The following TBC1D15 variants were observed in gnomAD, a reference collection of about 807,000 sequenced individuals.
The protein encoded by TBC1D15 is GAP for RAB7.
In TBC1D15, 39 loss-of-function variants were observed where a neutral mutation model predicts 95.4. That is an observed-to-expected ratio of 0.41 (90% CI 0.32 to 0.53). The LOEUF is 0.53. Among genes scored for constraint, TBC1D15 ranks in the 20% least tolerant of loss-of-function variants. The probability of loss-of-function intolerance (pLI) is 0.29; values close to 1 mark genes in which losing one functional copy is unlikely to be tolerated. For synonymous variants in TBC1D15, 258 were observed against 261.3 expected (o/e 0.99, Z 0.12); for missense variants, 733 against 794.3 (o/e 0.92, Z 0.93).
intron 1 of TBC1D15, among the ~76,000 whole-genome samples, chr12:71,866,652 T>C (rs1891566356): frequency 6.6e-6 from 1 of 152,232 alleles, no homozygotes. Flanking sequence ...GTCTTGCTTA[T>C]GTTGCCCAGG....
At position 71,868,240 on chromosome 12, in the gene TBC1D15, C is replaced by CT. The variant is rs771782876; in HGVS notation, c.31-3810dup. On this transcript the variant is annotated intron_variant, in intron 1 of 16. Coordinates refer to ENST00000485960, the MANE Select transcript of TBC1D15 (RefSeq NM_001146213.3). ...GAATACAGAATGAGTGCAGCTTTGACTTTTTTTTTTTTTTTTTTTTCTCGA... is the reference window on the plus strand; with the variant it reads ...GAATACAGAATGAGTGCAGCTTTGACTTTTTTTTTTTTTTTTTTTTTCTCGA... Among the ~76,000 whole-genome samples, 1,316 of 132,344 alleles carry CT rather than the reference C, an allele frequency of 9.9e-3. 27 individuals are homozygous for CT. Among genetic ancestry groups the CT allele is most frequent in the African/African-American group, 0.032 (1,134 of 35,320 alleles). The allele number at this position is 132,344 out of a possible 152,430, so 86.8% of individuals were successfully genotyped here.
intron 11 of TBC1D15, among the ~76,000 whole-genome samples, chr12:71,912,451 G>T (rs1198415479): frequency 1.3e-5 from 2 of 152,096 alleles, no homozygotes; most frequent in African/African-American, 4.8e-5. Flanking sequence ...GTGGTGGTAA[G>T]ATGATTGGAC....
chr12:71,878,411 C>CAGAGAG (rs148681015), intron 3 of TBC1D15, among the ~76,000 whole-genome samples: 1 of 148,744 alleles, frequency 6.7e-6, no homozygotes. Context: ...AAGTAGAAGT[C>CAGAGAG]AGAGAGAGAG....
At chr12:71,900,205 T>G (rs1363766466) in intron 10 of TBC1D15, among the ~76,000 whole-genome samples, 3 of 152,080 alleles carry the variant, frequency 2.0e-5, no homozygotes, top group Non-Finnish European at 4.4e-5. Context: ...AAATGGAATG[T>G]CAAGTAGGTA....
chr12:71,841,507 G>T, intron 1 of TBC1D15, among the ~76,000 whole-genome samples: 1 of 152,118 alleles, frequency 6.6e-6, no homozygotes, highest in Non-Finnish European at 1.5e-5. Context: ...TCTTCTCTCA[G>T]TAAGTTCAGA....
intron 5 of TBC1D15, among the ~76,000 whole-genome samples, chr12:71,887,732 C>G (rs905261755): frequency 4.6e-5 from 7 of 152,148 alleles, no homozygotes; most frequent in Admixed American, 2.0e-4. Context: ...TTGTTTGCTT[C>G]CTTCATGGCA....
intron 4 of TBC1D15, among the ~76,000 whole-genome samples, chr12:71,882,561 C>T (rs991141232): frequency 6.6e-6 from 1 of 152,094 alleles, no homozygotes; most frequent in African/African-American, 2.4e-5. Flanking sequence ...ATTTTCTTTA[C>T]CTTTGCTTTG....
chr12:71,885,013 A>G lies in TBC1D15; in HGVS notation c.546A>G (p.Val182=), dbSNP rs1012069698. 6.2e-6 allele frequency: 10 copies of G among 1,613,088 alleles called. No individual in the cohort carries two copies. In the African/African-American group the frequency reaches 1.1e-4, roughly 17 times the overall value. Residue 182 remains valine (V), a synonymous_variant, in exon 5 of 17, where the codon GTA becomes GTG. Transcript: ENST00000485960. Reference sequence around the variant, plus strand: ...TTGAATCTCTTGAAAAATATGTGGTATTGTGTGAGTAAGTATCATATTATT... The same window carrying G: ...TTGAATCTCTTGAAAAATATGTGGTGTTGTGTGAGTAAGTATCATATTATT... ...LLIESLEKYV[V]LCESPQDKRT...
chr12:71,903,332 A>G (rs759145719), intron 10 of TBC1D15, among the ~76,000 whole-genome samples: 9 of 152,204 alleles, frequency 5.9e-5, no homozygotes, highest in Non-Finnish European at 1.0e-4. Flanking sequence ...ATCTCCTACT[A>G]GTCATGATGG....
chr12:71,894,235 A>T, intron 6 of TBC1D15: 1 of 1,032,412 alleles, frequency 9.7e-7, no homozygotes, highest in Non-Finnish European at 1.5e-6. Context: ...ACTAATATTT[A>T]AATATGAGTT....
intron 3 of TBC1D15, among the ~76,000 whole-genome samples, chr12:71,878,779 A>T (rs1156870657): frequency 1.3e-5 from 2 of 151,456 alleles, no homozygotes; most frequent in Non-Finnish European, 2.9e-5. Context: ...GGCCTCCCAA[A>T]GTGCTGGGAT....
intron 6 of TBC1D15, 25 bp downstream of exon 6, chr12:71,893,349 A>G (rs1342318991): frequency 1.3e-6 from 2 of 1,543,248 alleles, no homozygotes; most frequent in Non-Finnish European, 8.9e-7. Flanking sequence ...TCTATCCTGT[A>G]TTATTCTGAC....
chr12:71,850,815 C>T (rs989385088), intron 1 of TBC1D15, among the ~76,000 whole-genome samples: 2 of 151,606 alleles, frequency 1.3e-5, no homozygotes, highest in African/African-American at 2.4e-5. Context: ...GGTGAAACCC[C>T]GTCTCTACTA....
rs760401496 is a variant in TBC1D15 at position 71,894,297 on chromosome 12, C to T, written c.658-389C>T. On this transcript the variant is annotated intron_variant, in intron 6 of 16. Transcript: ENST00000485960. The stretch of plus-strand genomic sequence containing the variant: ...TGTCAGAATAGCATGGTGGTACACA[C>T]TTCAAGAAATATTTTTTTTGTATGA... The T allele has an allele frequency of 1.3e-5, 21 of 1,609,262 alleles. No homozygotes were observed. The African/African-American group carries it at 1.5e-4, about 11-fold the overall frequency.
chr12:71,894,940 A>G, intron 7 of TBC1D15, 57 bp downstream of exon 7: 3 of 1,490,282 alleles, frequency 2.0e-6, no homozygotes, highest in Non-Finnish European at 2.7e-6. Context: ...AACATGTACT[A>G]TAGAAATAGA....
chr12:71,861,447 G>C, intron 1 of TBC1D15: 2 of 1,529,056 alleles, frequency 1.3e-6, no homozygotes, highest in Non-Finnish European at 1.8e-6. Context: ...AGTAGTATGT[G>C]TCCAGGACTT....
chr12:71,918,459 G>T lies in TBC1D15; in HGVS notation c.1510G>T (p.Asp504Tyr). 6.3e-7 allele frequency: 1 copy of T among 1,598,070 alleles called. No homozygotes were observed. The highest frequency in any genetic ancestry group is 1.1e-5 in the South Asian group (1 of 87,904). ...SGFCSYLESQ[D>Y]SGYLYFCFRW... ...TTTTTTCTTCTGCATAGAATCTCAG[G>T]ACTCTGGATACCTTTATTTTTGCTT... The change falls in exon 14 of 17, where the codon GAC becomes TAC. Residue 504 changes from aspartate (D) to tyrosine (Y), a missense_variant. Physicochemically the swap from Asp to Tyr is radical, Grantham distance 160. Coordinates refer to ENST00000485960, the MANE Select transcript of TBC1D15 (RefSeq NM_001146213.3).
chr12:71,850,052 G>A lies in TBC1D15; in HGVS notation c.30+10241G>A, dbSNP rs909290634. 3.5e-5 allele frequency: 18 copies of A among 519,720 alleles called. 1 individual carries two copies. The highest frequency in any genetic ancestry group is 2.6e-4 in the African/African-American group (13 of 50,752). 32.2% of individuals were successfully genotyped at this position (519,720 alleles called of 1,614,324 possible). A position where few individuals can be genotyped will look rare whatever the true frequency, so the allele number is the denominator to read the frequency against. ...CCAGACAATTGTGAAGAGAGTTCCCGGAACAGCCATCGCTGTGAGTTTAAA... is the reference window on the plus strand; with the variant it reads ...CCAGACAATTGTGAAGAGAGTTCCCAGAACAGCCATCGCTGTGAGTTTAAA... On this transcript the variant is annotated intron_variant, in intron 1 of 16. Coordinates refer to ENST00000485960, the MANE Select transcript of TBC1D15 (RefSeq NM_001146213.3).
intron 5 of TBC1D15, among the ~76,000 whole-genome samples, chr12:71,886,171 G>T (rs1896178145): frequency 6.6e-6 from 1 of 152,116 alleles, no homozygotes; most frequent in South Asian, 2.1e-4. Flanking sequence ...TGGGGGAACT[G>T]CAGGGAATGA....
Sources: allele counts gnomAD v4.1 joint callset (sites outside exome capture counted in the v4.1 genomes callset), GRCh38; gene constraint gnomAD v4.1.1; transcripts MANE v1.5; gene names NCBI Gene and HGNC (gene_info 2026-07-23, HGNC 2026-07-21).